Variants in NTNG1 observed in about 807,000 individuals in gnomAD.
NTNG1 encodes netrin G1, also known as netrin-G1.
NTNG1 carries 16 observed loss-of-function variants against 54.0 expected under a neutral mutation model. The observed-to-expected ratio is 0.30, with a 90% CI of 0.20 to 0.45. The LOEUF is 0.45. NTNG1 is among the 20% of genes least tolerant of loss of function. NTNG1 has a pLI of 1.00. For synonymous variants in NTNG1, 255 were observed against 263.1 expected (o/e 0.97, Z 0.30); for missense variants, 530 against 678.7 (o/e 0.78, Z 2.43).
intron 2 of NTNG1, among the ~76,000 whole-genome samples, chr1:107,280,769 A>G (rs1208298843): frequency 6.6e-6 from 1 of 152,116 alleles, no homozygotes; most frequent in Non-Finnish European, 1.5e-5. Flanking sequence ...CAAATGCCAA[A>G]ATAAGGAGGT....
intron 3 of NTNG1, among the ~76,000 whole-genome samples, chr1:107,331,037 G>A (rs1668241600): frequency 6.6e-6 from 1 of 151,972 alleles, no homozygotes. Flanking sequence ...ATTTCCTTTA[G>A]TACTTACAGG....
intron 7 of NTNG1, among the ~76,000 whole-genome samples, chr1:107,467,235 T>C (rs1558021145): frequency 1.3e-5 from 2 of 152,196 alleles, no homozygotes; most frequent in South Asian, 2.1e-4. Context: ...CAAGAAATTG[T>C]AGGAGTGAAC....
chr1:107,324,019 C>T (rs1667801608), intron 2 of NTNG1, among the ~76,000 whole-genome samples: 1 of 151,918 alleles, frequency 6.6e-6, no homozygotes, highest in South Asian at 2.1e-4. Context: ...TCTGTGACCA[C>T]ATTATGGGTC....
At chr1:107,298,373 T>C (rs755566161) in intron 2 of NTNG1, among the ~76,000 whole-genome samples, 2 of 152,138 alleles carry the variant, frequency 1.3e-5, no homozygotes, top group African/African-American at 2.4e-5. Context: ...TGCACTATCA[T>C]AGACCTTAAG....
At position 107,427,658 on chromosome 1, in the gene NTNG1, G is replaced by T. The variant is rs544113152; in HGVS notation, c.1088-3092G>T. On this transcript the variant is annotated intron_variant, in intron 5 of 7. Coordinates refer to ENST00000370068, the MANE Select transcript of NTNG1 (RefSeq NM_001113226.3). The stretch of plus-strand genomic sequence containing the variant: ...GGCCAGAGATGACAGCTTTATCAAA[G>T]TCTCAGAAGAGTACTAGAAGTCTTA... Among the ~76,000 whole-genome samples, 8 of 152,086 alleles carry T rather than the reference G, an allele frequency of 5.3e-5. No individual in the cohort carries two copies. In the East Asian group the frequency reaches 1.4e-3, roughly 26 times the overall value.
intron 7 of NTNG1, among the ~76,000 whole-genome samples, chr1:107,468,646 T>C (rs1677757424): frequency 6.6e-6 from 1 of 152,244 alleles, no homozygotes; most frequent in Non-Finnish European, 1.5e-5. Context: ...CATGTGGATT[T>C]TCCTTTACCC....
chr1:107,463,431 A>G (rs994250518), intron 7 of NTNG1, among the ~76,000 whole-genome samples: 3 of 152,050 alleles, frequency 2.0e-5, no homozygotes, highest in African/African-American at 7.2e-5. Context: ...TTATCCTGAG[A>G]TTTTGGTGTA....
chr1:107,326,150 A>G (rs967299371), intron 3 of NTNG1, among the ~76,000 whole-genome samples: 3 of 152,136 alleles, frequency 2.0e-5, no homozygotes, highest in Non-Finnish European at 4.4e-5. Context: ...CAAAGGTTTC[A>G]GAGTCTTAGC....
At chr1:107,472,331 A>G (rs1678037147) in intron 7 of NTNG1, among the ~76,000 whole-genome samples, 2 of 152,246 alleles carry the variant, frequency 1.3e-5, no homozygotes, top group Non-Finnish European at 2.9e-5. Context: ...TTTGCCTTCA[A>G]AATGATAGGC....
chr1:107,274,129 A>G (rs4244126), intron 2 of NTNG1, among the ~76,000 whole-genome samples: 27,128 of 152,128 alleles, frequency 0.18, 2,788 homozygotes, highest in East Asian at 0.4. Flanking sequence ...ACTATTTCCA[A>G]ATGAAGGAAT....
intron 5 of NTNG1, among the ~76,000 whole-genome samples, chr1:107,420,690 C>T (rs945597823): frequency 2.6e-5 from 4 of 151,920 alleles, no homozygotes; most frequent in Non-Finnish European, 1.5e-5. Flanking sequence ...GTGTATATGT[C>T]GAATAGTTTA....
rs565543442 is a variant in NTNG1 at position 107,191,532 on chromosome 1, G to A, written c.246+42693G>A. On this transcript the variant is annotated intron_variant, in intron 2 of 7. Coordinates refer to ENST00000370068, the MANE Select transcript of NTNG1 (RefSeq NM_001113226.3). The stretch of plus-strand genomic sequence containing the variant: ...CTATGTCCTCAATGGTATTGCCTAG[G>A]TTTTCTTCTAGGGTTTTTATGGTTT... Among the ~76,000 whole-genome samples, 9 of 152,212 alleles carry A rather than the reference G, an allele frequency of 5.9e-5. No homozygotes were observed. The South Asian group carries it at 1.9e-3, about 32-fold the overall frequency.
intron 3 of NTNG1, among the ~76,000 whole-genome samples, chr1:107,368,986 G>A (rs193022977): frequency 6.6e-5 from 10 of 152,214 alleles, no homozygotes; most frequent in African/African-American, 2.2e-4. Flanking sequence ...ATCAACTTTG[G>A]TTTTACAGAT....
chr1:107,381,859 C>T (rs530481328), intron 3 of NTNG1, among the ~76,000 whole-genome samples: 15 of 152,100 alleles, frequency 9.9e-5, no homozygotes, highest in African/African-American at 1.7e-4. Context: ...TATTCTAAGC[C>T]GGGATTCTCC....
intron 7 of NTNG1, among the ~76,000 whole-genome samples, chr1:107,467,358 C>T (rs1677673158): frequency 6.6e-6 from 1 of 152,132 alleles, no homozygotes; most frequent in African/African-American, 2.4e-5. Context: ...CCTAATGAAA[C>T]ATAAAAAGCA....
chr1:107,276,652 C>G (rs984098051), intron 2 of NTNG1, among the ~76,000 whole-genome samples: 2 of 151,854 alleles, frequency 1.3e-5, no homozygotes, highest in African/African-American at 2.4e-5. Context: ...TTATAGGGGT[C>G]AAAGACGAGG....
intron 3 of NTNG1, among the ~76,000 whole-genome samples, chr1:107,330,203 G>A (rs1668198952): frequency 6.6e-6 from 1 of 151,972 alleles, no homozygotes; most frequent in Admixed American, 6.6e-5. Flanking sequence ...TCCCTTTATG[G>A]GTCTTCAGCA....
At chr1:107,221,347 A>G (rs57471500) in intron 2 of NTNG1, among the ~76,000 whole-genome samples, 15 of 152,320 alleles carry the variant, frequency 9.8e-5, no homozygotes, top group African/African-American at 3.4e-4. Flanking sequence ...ACATTTGTTT[A>G]AAAAGAAACA....
At chr1:107,219,114 A>ATTT (rs199656576) in intron 2 of NTNG1, among the ~76,000 whole-genome samples, 64 of 143,790 alleles carry the variant, frequency 4.5e-4, no homozygotes, top group African/African-American at 9.6e-4. Flanking sequence ...TTGTTTTTAA[A>ATTT]TTTTTTTTTT....
Sources: allele counts gnomAD v4.1 joint callset (sites outside exome capture counted in the v4.1 genomes callset), GRCh38; gene constraint gnomAD v4.1.1; transcripts MANE v1.5; gene names NCBI Gene and HGNC (gene_info 2026-07-23, HGNC 2026-07-21).